Variants in TRIT1 observed in about 807,000 individuals in gnomAD.
TRIT1 encodes the protein tRNA dimethylallyltransferase.
Under a neutral mutation model 51.2 loss-of-function variants are expected in TRIT1, and 43 were observed. The observed-to-expected ratio is 0.84, with a 90% CI of 0.66 to 1.08. The LOEUF is 1.08. TRIT1 is among the 50% of genes least tolerant of loss of function. The pLI, the probability that TRIT1 is intolerant of heterozygous loss-of-function variation, is 0.00. For synonymous variants in TRIT1, 184 were observed against 203.9 expected (o/e 0.90, Z 0.83); for missense variants, 528 against 578.4 (o/e 0.91, Z 0.89).
intron 1 of TRIT1, among the ~76,000 whole-genome samples, chr1:39,869,658 G>A (rs578173877): frequency 6.6e-6 from 1 of 151,918 alleles, no homozygotes; most frequent in East Asian, 1.9e-4. Flanking sequence ...AGGAAGTGAG[G>A]AGCGTCTCTG....
chr1:39,849,397 T>C (rs1038503483), intron 5 of TRIT1, among the ~76,000 whole-genome samples: 3 of 152,168 alleles, frequency 2.0e-5, no homozygotes, highest in African/African-American at 4.8e-5. Flanking sequence ...CATAATGATG[T>C]CATCTTTCCA....
At chr1:39,874,117 C>T (rs1300955812) in intron 1 of TRIT1, among the ~76,000 whole-genome samples, 1 of 152,138 alleles carries the variant, frequency 6.6e-6, no homozygotes, top group African/African-American at 2.4e-5. Context: ...ACTGCTTGAG[C>T]CCAGGAGTTT....
intron 2 of TRIT1, among the ~76,000 whole-genome samples, chr1:39,856,167 G>A (rs1369489781): frequency 1.3e-5 from 2 of 152,096 alleles, no homozygotes; most frequent in African/African-American, 2.4e-5. Flanking sequence ...TTAGCCAGGT[G>A]TGGTGGCATG....
chr1:39,876,560 A>ATC (rs1557585424), intron 1 of TRIT1, among the ~76,000 whole-genome samples: 28 of 118,080 alleles, frequency 2.4e-4, no homozygotes, highest in African/African-American at 6.3e-4. Flanking sequence ...ATCTATCTAT[A>ATC]TATATATATG....
intron 2 of TRIT1, among the ~76,000 whole-genome samples, chr1:39,856,291 G>A (rs1005534764): frequency 1.3e-5 from 2 of 151,970 alleles, no homozygotes; most frequent in Non-Finnish European, 2.9e-5. Flanking sequence ...GGGTGACAGA[G>A]CAAGACTCCG....
At chr1:39,863,852 T>C (rs1274550935) in intron 1 of TRIT1, among the ~76,000 whole-genome samples, 1 of 151,518 alleles carries the variant, frequency 6.6e-6, no homozygotes, top group Non-Finnish European at 1.5e-5. Context: ...AACAGAGAAC[T>C]AGAAGAAGAA....
rs928525349 is a variant in TRIT1 at position 39,841,216 on chromosome 1, T to C, written c.*528A>G. On this transcript the variant is annotated 3_prime_UTR_variant, in exon 11 of 11. Coordinates refer to ENST00000316891, the MANE Select transcript of TRIT1 (RefSeq NM_017646.6). Reference sequence around the variant, plus strand: ...TCCTCAGTCTGATTCCCTCCTTCTCTGTAGAATTCTGAGAACTAGTTTGGT... The same window carrying C: ...TCCTCAGTCTGATTCCCTCCTTCTCCGTAGAATTCTGAGAACTAGTTTGGT... 2 of 152,262 alleles carry C rather than the reference T, an allele frequency of 1.3e-5. No homozygotes were observed. Among genetic ancestry groups the C allele is most frequent in the South Asian group, 2.1e-4 (1 of 4,834 alleles). The allele number at this position is 152,262 out of a possible 1,614,324, so 9.4% of individuals were successfully genotyped here.
chr1:39,876,528 G>GTATATATCTATCTATCTATC (rs143110843), intron 1 of TRIT1, among the ~76,000 whole-genome samples: 6,065 of 127,258 alleles, frequency 0.048, 181 homozygotes, highest in East Asian at 0.16. Flanking sequence ...ATTTATATGT[G>GTATATATCTATCTATCTATC]TATCTATCTA....
rs185521492 is a variant in TRIT1, at chr1:39,862,630, A to G, written c.175-5213T>C. 1.8e-3 allele frequency among the ~76,000 whole-genome samples: 270 copies of G among 152,370 alleles called. 2 individuals are homozygous for G. Among genetic ancestry groups the G allele is most frequent in the Admixed American group, 3.9e-3 (60 of 15,306 alleles). On this transcript the variant is annotated intron_variant, in intron 1 of 10. Transcript: ENST00000316891. ...ACATTTGTACCAGGCATAAATATCT[A>G]AACAAACTTAGAAATTAATCAATTT...
intron 4 of TRIT1, among the ~76,000 whole-genome samples, chr1:39,851,412 A>G (rs1642561295): frequency 6.6e-6 from 1 of 152,208 alleles, no homozygotes; most frequent in South Asian, 2.1e-4. Context: ...CTCTAGAATC[A>G]TGTAATAAAA....
intron 1 of TRIT1, among the ~76,000 whole-genome samples, chr1:39,880,622 A>C (rs1262450846): frequency 2.6e-5 from 4 of 151,982 alleles, no homozygotes; most frequent in Non-Finnish European, 5.9e-5. Flanking sequence ...AACATGATGA[A>C]ACCCTATCTC....
intron 4 of TRIT1, among the ~76,000 whole-genome samples, chr1:39,852,172 A>G (rs1344898106): frequency 6.6e-6 from 1 of 152,142 alleles, no homozygotes; most frequent in Non-Finnish European, 1.5e-5. Flanking sequence ...TGGAAGTGGT[A>G]TCACTCCTAA....
intron 1 of TRIT1, among the ~76,000 whole-genome samples, chr1:39,860,951 G>T (rs969690889): frequency 2.0e-5 from 3 of 152,052 alleles, no homozygotes; most frequent in African/African-American, 7.2e-5. Flanking sequence ...GGTGGCGCAC[G>T]CCTGTAATCT....
At chr1:39,883,024 G>C (rs1268191007) in intron 1 of TRIT1, among the ~76,000 whole-genome samples, 1 of 152,094 alleles carries the variant, frequency 6.6e-6, no homozygotes, top group South Asian at 2.1e-4. Flanking sequence ...CCACTTATTC[G>C]CTATGTGACA....
At chr1:39,880,798 CAAAAAAAAAAAG>C (rs1239704095) in intron 1 of TRIT1, among the ~76,000 whole-genome samples, 1 of 127,772 alleles carries the variant, frequency 7.8e-6, no homozygotes, top group Admixed American at 7.8e-5. Context: ...GACTCCGTTT[CAAAAAAAAAAAG>C]AAAAGAAAAA....
Position 39,844,628 on chromosome 1 carries a change from AT to A in TRIT1, c.1018del (p.Ile340LeufsTer8), listed in dbSNP as rs1642122631. On this transcript the variant is annotated frameshift_variant, in exon 9 of 11. Transcript: ENST00000316891. LOFTEE classifies it high-confidence loss of function. ...CTCTAAGCCATAGACAGGGGGGACA[AT>A]GGGACCAGGTCCTAATGATGACAAA... is the stretch of plus-strand genomic sequence containing the variant. ...KNRFLSRPGP[I>X]VPPVYGLEVS... 1 of 1,612,922 alleles carries A rather than the reference AT, an allele frequency of 6.2e-7. No individual in the cohort carries two copies. Among genetic ancestry groups the A allele is most frequent in the Admixed American group, 1.7e-5 (1 of 60,024 alleles).
At chr1:39,848,222 T>A (rs2124589911) in intron 5 of TRIT1, 125 bp from the exon 6 acceptor site, 1 of 674,662 alleles carries the variant, frequency 1.5e-6, no homozygotes, top group Non-Finnish European at 2.6e-6. Context: ...GAATTCAGAT[T>A]CCAAAGATTA....
rs531205712 is a variant in TRIT1 at position 39,849,966 on chromosome 1, G to A, written c.703+153C>T. ...TCTAGGGGAATGGCACTGTGCCTAAGCCAACAAATAATGATAATGATAATA... is the reference window on the plus strand; with the variant it reads ...TCTAGGGGAATGGCACTGTGCCTAAACCAACAAATAATGATAATGATAATA... On this transcript the variant is annotated intron_variant, in intron 5 of 10. Transcript: ENST00000316891. Among the ~76,000 whole-genome samples the A allele has an allele frequency of 1.2e-3, 183 of 152,258 alleles. 2 individuals are homozygous for A. The highest frequency in any genetic ancestry group is 2.3e-3 in the Admixed American group (35 of 15,294).
intron 1 of TRIT1, among the ~76,000 whole-genome samples, chr1:39,882,257 G>A (rs1644288601): frequency 6.6e-6 from 1 of 152,242 alleles, no homozygotes; most frequent in Non-Finnish European, 1.5e-5. Flanking sequence ...TTTCATGTGT[G>A]CTGATGGTCT....
Sources: gnomAD v4.1 joint callset for allele counts (sites outside exome capture counted in the v4.1 genomes callset) on GRCh38, gnomAD v4.1.1 for gene constraint, MANE v1.5 for transcripts, NCBI Gene and HGNC (gene_info 2026-07-23, HGNC 2026-07-21) for gene names.